PDE3A: variants seen among roughly 807,000 people sequenced by gnomAD.
PDE3A encodes the protein phosphodiesterase 3A, also known as cGMP-inhibited 3',5'-cyclic phosphodiesterase 3A.
A neutral mutation model predicts 98.3 loss-of-function variants in PDE3A; 43 were observed. That is an observed-to-expected ratio of 0.44 (90% CI 0.34 to 0.56). The LOEUF (loss-of-function observed/expected upper bound fraction) is 0.56, where lower values mean the gene tolerates loss of function less well. PDE3A is among the 20% of genes least tolerant of loss of function. The probability of loss-of-function intolerance (pLI) is 0.01; values close to 1 mark genes in which losing one functional copy is unlikely to be tolerated. For missense variants in PDE3A, 1,427 were observed against 1,440.7 expected (o/e 0.99, Z 0.15); for synonymous variants, 663 against 567.9 (o/e 1.17, Z -2.38).
chr12:20,406,564 A>G (rs897541160), intron 1 of PDE3A, among the ~76,000 whole-genome samples: 4 of 152,028 alleles, frequency 2.6e-5, no homozygotes, highest in Admixed American at 2.6e-4. Flanking sequence ...CAAGTTACTT[A>G]TTTTTTGCTG....
At chr12:20,627,167 G>A (rs891575509) in intron 5 of PDE3A, among the ~76,000 whole-genome samples, 2 of 136,796 alleles carry the variant, frequency 1.5e-5, no homozygotes, top group Admixed American at 7.5e-5. Flanking sequence ...AAAAAAAACT[G>A]TGTAGAAAAC....
At chr12:20,505,284 T>C (rs935480651) in intron 1 of PDE3A, among the ~76,000 whole-genome samples, 4 of 151,886 alleles carry the variant, frequency 2.6e-5, no homozygotes, top group Non-Finnish European at 4.4e-5. Flanking sequence ...GACCTAGGAG[T>C]CTCCTTTTCT....
intron 1 of PDE3A, among the ~76,000 whole-genome samples, chr12:20,435,634 G>T (rs1944768082): frequency 6.6e-6 from 1 of 152,122 alleles, no homozygotes; most frequent in South Asian, 2.1e-4. Flanking sequence ...TAGTAAGGAG[G>T]CCATGCGTAA....
At chr12:20,663,025 C>G (rs1470025244) in intron 15 of PDE3A, among the ~76,000 whole-genome samples, 1 of 152,144 alleles carries the variant, frequency 6.6e-6, no homozygotes, top group East Asian at 1.9e-4. Flanking sequence ...TGCCGTGAGT[C>G]CCAGCTGTTT....
At chr12:20,588,429 G>A (rs1410906461) in intron 2 of PDE3A, among the ~76,000 whole-genome samples, 1 of 152,134 alleles carries the variant, frequency 6.6e-6, no homozygotes, top group Non-Finnish European at 1.5e-5. Context: ...AAACTACTCA[G>A]CTTCAATTAG....
intron 2 of PDE3A, among the ~76,000 whole-genome samples, chr12:20,560,810 A>T (rs940396576): frequency 6.6e-6 from 1 of 152,142 alleles, no homozygotes; most frequent in African/African-American, 2.4e-5. Flanking sequence ...TTTCTTCCAG[A>T]GTGGTCCTTT....
At chr12:20,598,901 T>C (rs1423512690) in intron 2 of PDE3A, among the ~76,000 whole-genome samples, 2 of 152,210 alleles carry the variant, frequency 1.3e-5, no homozygotes, top group East Asian at 3.9e-4. Flanking sequence ...TGTGGCAGCC[T>C]TGGTCAAATC....
intron 5 of PDE3A, among the ~76,000 whole-genome samples, chr12:20,626,965 G>A (rs1592126286): frequency 6.6e-6 from 1 of 151,910 alleles, no homozygotes; most frequent in Admixed American, 6.6e-5. Flanking sequence ...AACTCTAATG[G>A]TTGTGTGAAT....
rs116104296 is a variant in PDE3A, at chr12:20,586,386, A to G, written c.1012-27057A>G. Among the ~76,000 whole-genome samples the G allele has an allele frequency of 8.9e-3, 1,350 of 152,282 alleles. 25 individuals are homozygous for G. The highest frequency in any genetic ancestry group is 0.031 in the African/African-American group (1,289 of 41,544). On this transcript the variant is annotated intron_variant, in intron 2 of 15. Transcript: ENST00000359062. ...CCTCTCACGTGCCCTTTACTACCTT[A>G]GCTATTTCTCCTAGTGGGACTGCGT...
At chr12:20,471,171 T>A (rs1945433596) in intron 1 of PDE3A, among the ~76,000 whole-genome samples, 1 of 152,180 alleles carries the variant, frequency 6.6e-6, no homozygotes, top group Admixed American at 6.5e-5. Context: ...GATTCAACAG[T>A]TCTGGAGACC....
intron 1 of PDE3A, chr12:20,371,448 A>T (rs1943474305): frequency 2.0e-6 from 2 of 982,432 alleles, no homozygotes; most frequent in African/African-American, 3.5e-5. Context: ...GGACAACTTT[A>T]GGGAGCAAGA....
At chr12:20,621,473 C>T (rs1376075217) in intron 5 of PDE3A, 62 bp downstream of exon 5, 1 of 870,074 alleles carries the variant, frequency 1.1e-6, no homozygotes, top group South Asian at 1.4e-5. Flanking sequence ...GTAAACCAGA[C>T]CTTAAGCGTT....
intron 1 of PDE3A, among the ~76,000 whole-genome samples, chr12:20,519,598 G>A (rs1339920261): frequency 2.6e-5 from 4 of 152,078 alleles, no homozygotes; most frequent in African/African-American, 7.2e-5. Context: ...TATTTAATAC[G>A]AATATAATTC....
chr12:20,635,763 A>AG, intron 8 of PDE3A, among the ~76,000 whole-genome samples: 1 of 151,626 alleles, frequency 6.6e-6, no homozygotes, highest in South Asian at 2.1e-4. Flanking sequence ...AAAAAAAAAA[A>AG]AAAAAAAAGA....
At chr12:20,536,612 T>C (rs1343799121) in intron 1 of PDE3A, among the ~76,000 whole-genome samples, 1 of 152,074 alleles carries the variant, frequency 6.6e-6, no homozygotes, top group East Asian at 1.9e-4. Flanking sequence ...TATTCCAGAC[T>C]TTTCTTATAA....
chr12:20,449,943 GA>G, intron 1 of PDE3A: 1 of 795,184 alleles, frequency 1.3e-6, no homozygotes, highest in Non-Finnish European at 2.0e-6. Flanking sequence ...TTTCGATTCT[GA>G]AGGCCCCCTT....
chr12:20,552,304 T>C lies in PDE3A; in HGVS notation c.961-4356T>C. 6.2e-7 allele frequency: 1 copy of C among 1,613,682 alleles called. No homozygotes were observed. Among genetic ancestry groups the C allele is most frequent in the South Asian group, 1.1e-5 (1 of 91,058 alleles). On this transcript the variant is annotated intron_variant, in intron 1 of 15. Transcript: ENST00000359062. This position sits in a 1 kb window ranked among gnomAD's most constrained non-coding sequence, Gnocchi z 5.1. ...TGAGGGCAACCGCTACGATGGCATC[T>C]ACAAGGTTGTGAAATACTGGCCCGA...
intron 2 of PDE3A, among the ~76,000 whole-genome samples, chr12:20,568,055 C>G (rs1942704825): frequency 6.6e-6 from 1 of 151,816 alleles, no homozygotes; most frequent in Non-Finnish European, 1.5e-5. Context: ...AAATGATATA[C>G]TGGTAATATC....
intron 4 of PDE3A, among the ~76,000 whole-genome samples, chr12:20,619,886 CAG>C (rs2121475987): frequency 6.6e-6 from 1 of 152,094 alleles, no homozygotes; most frequent in Non-Finnish European, 1.5e-5. Context: ...TAACAAGTGT[CAG>C]AGTGTCAAAT....
Sources: gnomAD v4.1 joint callset for allele counts (sites outside exome capture counted in the v4.1 genomes callset) on GRCh38, gnomAD v4.1.1 for gene constraint, Gnocchi (gnomAD v3.1) non-coding constraint, MANE v1.5 for transcripts, NCBI Gene and HGNC (gene_info 2026-07-23, HGNC 2026-07-21) for gene names.